TLN2: variants seen among roughly 807,000 people sequenced by gnomAD.
TLN2 encodes the protein talin-2.
TLN2 carries 118 observed loss-of-function variants against 294.7 expected under a neutral mutation model. The observed-to-expected ratio is 0.40, with a 90% CI of 0.34 to 0.47. TLN2 has a LOEUF of 0.47. Among genes scored for constraint, TLN2 ranks in the 20% least tolerant of loss-of-function variants. The probability of loss-of-function intolerance (pLI) is 0.84; values close to 1 mark genes in which losing one functional copy is unlikely to be tolerated. For synonymous variants in TLN2, 1,431 were observed against 1,304.5 expected, an observed-to-expected ratio of 1.10 and a Z score of -2.09; for missense variants, 3,083 against 3,282.2, an observed-to-expected ratio of 0.94 and a Z score of 1.48.
At chr15:62,596,874 A>G (rs923101771) in intron 2 of TLN2, among the ~76,000 whole-genome samples, 2 of 152,170 alleles carry the variant, frequency 1.3e-5, no homozygotes, top group African/African-American at 2.4e-5. Flanking sequence ...ACTTATTTCT[A>G]CTTCTTAGAG....
At position 62,797,147 on chromosome 15, in the gene TLN2, C is replaced by A. The variant is rs2065546304; in HGVS notation, c.6051-72C>A. The A allele has an allele frequency of 3.2e-6, 5 of 1,557,664 alleles. No homozygotes were observed. The South Asian group carries it at 4.5e-5, about 14-fold the overall frequency. ...AACAAAAGCCCCATGTGAGGGATTT[C>A]TTTTCTTCTTGAAGTAATCAAGCTT... On this transcript the variant is annotated intron_variant, in intron 47 of 58. Coordinates refer to ENST00000636159, the MANE Select transcript of TLN2 (RefSeq NM_015059.3).
intron 1 of TLN2, among the ~76,000 whole-genome samples, chr15:62,516,813 T>G (rs909306289): frequency 6.6e-6 from 1 of 152,242 alleles, no homozygotes. Context: ...AAAGTTTTTT[T>G]GGGGCTGCTT....
At chr15:62,755,442 G>C in intron 36 of TLN2, 90 bp from the exon 37 acceptor site, 1 of 1,464,138 alleles carries the variant, frequency 6.8e-7, no homozygotes, top group Non-Finnish European at 9.1e-7. Flanking sequence ...CTGAACATGT[G>C]AGTTGAACAG....
At chr15:62,395,527 G>A (rs1015244199) in intron 1 of TLN2, among the ~76,000 whole-genome samples, 2 of 152,196 alleles carry the variant, frequency 1.3e-5, no homozygotes, top group Non-Finnish European at 2.9e-5. Context: ...TGGAAAAGCA[G>A]ATCATTTCTG....
intron 43 of TLN2, among the ~76,000 whole-genome samples, chr15:62,779,251 A>C (rs1345207868): frequency 6.6e-6 from 1 of 152,198 alleles, no homozygotes; most frequent in Non-Finnish European, 1.5e-5. Flanking sequence ...TTGGACAGGA[A>C]TTCAAGCTCT....
chr15:62,803,536 C>G (rs2066074279), intron 50 of TLN2, among the ~76,000 whole-genome samples: 1 of 152,174 alleles, frequency 6.6e-6, no homozygotes, highest in African/African-American at 2.4e-5. Context: ...TTCAAATAGC[C>G]TGTCTTCAAG....
At chr15:62,694,037 C>G (rs967094315) in intron 13 of TLN2, among the ~76,000 whole-genome samples, 1 of 144,070 alleles carries the variant, frequency 6.9e-6, no homozygotes, top group Admixed American at 7.1e-5. Context: ...GGCGCTGTCT[C>G]GGCTCACTGC....
chr15:62,788,044 C>A (rs2064818068), intron 45 of TLN2, among the ~76,000 whole-genome samples: 1 of 150,568 alleles, frequency 6.6e-6, no homozygotes, highest in Non-Finnish European at 1.5e-5. Flanking sequence ...TCCTCTGTGG[C>A]TCACGCCTGT....
chr15:62,406,991 A>G (rs1424616628), intron 1 of TLN2, among the ~76,000 whole-genome samples: 3 of 152,154 alleles, frequency 2.0e-5, no homozygotes, highest in African/African-American at 7.2e-5. Flanking sequence ...TCAACCTGTA[A>G]CACAAATTGT....
chr15:62,797,553 T>A, intron 48 of TLN2, 151 bp downstream of exon 48: 1 of 950,810 alleles, frequency 1.1e-6, no homozygotes, highest in Non-Finnish European at 1.5e-6. Context: ...TAGGAGGCAG[T>A]CATCCAAGCG....
intron 30 of TLN2, among the ~76,000 whole-genome samples, chr15:62,738,566 C>T (rs553699964): frequency 6.6e-6 from 1 of 152,274 alleles, no homozygotes; most frequent in South Asian, 2.1e-4. Flanking sequence ...CCTCTCGGAT[C>T]GTCCCGGTGA....
At chr15:62,525,230 T>C (rs896679600) in intron 1 of TLN2, among the ~76,000 whole-genome samples, 8 of 152,228 alleles carry the variant, frequency 5.3e-5, no homozygotes, top group African/African-American at 1.7e-4. Context: ...AAAGTTGATT[T>C]GCTAAGGCCA....
intron 1 of TLN2, among the ~76,000 whole-genome samples, chr15:62,485,576 G>T (rs2038346901): frequency 6.6e-6 from 1 of 152,202 alleles, no homozygotes; most frequent in Non-Finnish European, 1.5e-5. Context: ...GCTTGACCTT[G>T]CTCTGGAATC....
intron 2 of TLN2, among the ~76,000 whole-genome samples, chr15:62,600,924 C>G (rs2046946102): frequency 6.6e-6 from 1 of 152,164 alleles, no homozygotes; most frequent in Admixed American, 6.5e-5. Context: ...TGAATATTAT[C>G]TAATATCAAG....
intron 37 of TLN2, among the ~76,000 whole-genome samples, chr15:62,759,889 C>G (rs376022221): frequency 3.3e-4 from 50 of 152,224 alleles, no homozygotes; most frequent in African/African-American, 1.2e-3. Flanking sequence ...CACCCTGCCT[C>G]GCACTGGTGT....
At chr15:62,602,599 TC>T (rs1423402451) in intron 2 of TLN2, among the ~76,000 whole-genome samples, 1 of 152,210 alleles carries the variant, frequency 6.6e-6, no homozygotes, top group Non-Finnish European at 1.5e-5. Context: ...GGCTGGGAAT[TC>T]CAGGATCAGG....
At chr15:62,434,801 T>G (rs1595795673) in intron 1 of TLN2, among the ~76,000 whole-genome samples, 1 of 152,198 alleles carries the variant, frequency 6.6e-6, no homozygotes, top group East Asian at 1.9e-4. Context: ...GGGGAACATG[T>G]GCAGGATATG....
At chr15:62,547,522 G>C (rs1367104816) in intron 1 of TLN2, among the ~76,000 whole-genome samples, 4 of 152,198 alleles carry the variant, frequency 2.6e-5, no homozygotes, top group African/African-American at 9.7e-5. Context: ...AAATCTCACA[G>C]ATGTACTCCC....
chr15:62,829,168 T>TATATAATA (rs1555523685), intron 54 of TLN2: 1 of 742 alleles, frequency 1.3e-3, no homozygotes, highest in Non-Finnish European at 0.014. Context: ...ATAATATATA[T>TATATAATA]TATATTATAT....
Sources: gnomAD v4.1 joint callset for allele counts (sites outside exome capture counted in the v4.1 genomes callset) on GRCh38, gnomAD v4.1.1 for gene constraint, MANE v1.5 for transcripts, NCBI Gene and HGNC (gene_info 2026-07-23, HGNC 2026-07-21) for gene names.